ABTB2: variants seen among roughly 807,000 people sequenced by gnomAD.
ABTB2 encodes the protein ankyrin repeat and BTB/POZ domain-containing protein 2.
Under a neutral mutation model 104.1 loss-of-function variants are expected in ABTB2, and 56 were observed. The observed-to-expected ratio is 0.54, with a 90% CI of 0.43 to 0.67. The LOEUF is 0.67. Ranked by LOEUF, ABTB2 falls within the 30% of genes least tolerant of loss-of-function variation. The pLI is 0.00. For synonymous variants in ABTB2, 606 were observed against 608.2 expected (o/e 1.00, Z 0.05); for missense variants, 1,279 against 1,407.7 (o/e 0.91, Z 1.46).
chr11:34,289,053 T>C (rs546412964), intron 1 of ABTB2, among the ~76,000 whole-genome samples: 1 of 152,326 alleles, frequency 6.6e-6, no homozygotes, highest in Non-Finnish European at 1.5e-5. Context: ...GCCTCTGCTC[T>C]TGAAGAAAGT....
At chr11:34,335,282 T>G (rs1886656) in intron 1 of ABTB2, 697,784 of 1,258,150 alleles carry the variant, frequency 0.55, 201,647 homozygotes, top group East Asian at 0.91. Context: ...TTCAAAAAGA[T>G]TGTTGTTTGT....
At chr11:34,196,324 C>A (rs10836160) in intron 3 of ABTB2, among the ~76,000 whole-genome samples, 4 of 152,138 alleles carry the variant, frequency 2.6e-5, no homozygotes, top group African/African-American at 7.2e-5. Flanking sequence ...GAGGCCAAGG[C>A]GCGTGGATCA....
At chr11:34,200,367 T>C (rs556904832) in intron 2 of ABTB2, among the ~76,000 whole-genome samples, 1 of 152,254 alleles carries the variant, frequency 6.6e-6, no homozygotes, top group African/African-American at 2.4e-5. Flanking sequence ...AAGAAAGAAA[T>C]GGAATCTCCC....
intron 1 of ABTB2, among the ~76,000 whole-genome samples, chr11:34,345,885 C>T (rs1166717363): frequency 6.6e-6 from 1 of 152,178 alleles, no homozygotes. Context: ...TATGTTCTGC[C>T]TCTCCAGAAG....
chr11:34,180,668 A>G lies in ABTB2; in HGVS notation c.1245-7361T>C, dbSNP rs538917300. Among the ~76,000 whole-genome samples, 76 of 152,300 alleles carry G rather than the reference A, an allele frequency of 5.0e-4. 3 individuals are homozygous for G. The South Asian group carries it at 0.015, about 31-fold the overall frequency. On this transcript the variant is annotated intron_variant, in intron 3 of 16. Coordinates refer to ENST00000435224, the MANE Select transcript of ABTB2 (RefSeq NM_145804.3). The stretch of plus-strand genomic sequence containing the variant: ...CCTCCTCTCATTGCTAGAGGAGGAA[A>G]AGGAAACCCAGAGAGGCTAAGCGCC...
chr11:34,161,439 G>C (rs1198681547), intron 10 of ABTB2, among the ~76,000 whole-genome samples: 1 of 152,216 alleles, frequency 6.6e-6, no homozygotes, highest in Non-Finnish European at 1.5e-5. Flanking sequence ...AAGTAGCCTT[G>C]TTGCTTAGTG....
chr11:34,243,685 A>T (rs1853949805), intron 1 of ABTB2, among the ~76,000 whole-genome samples: 1 of 152,262 alleles, frequency 6.6e-6, no homozygotes, highest in Non-Finnish European at 1.5e-5. Context: ...AGAGTCAATG[A>T]GATCATTTAC....
chr11:34,270,937 C>T (rs1854307166), intron 1 of ABTB2, among the ~76,000 whole-genome samples: 1 of 152,202 alleles, frequency 6.6e-6, no homozygotes, highest in African/African-American at 2.4e-5. Flanking sequence ...TGACTTTAGG[C>T]AGCTGATACC....
At chr11:34,239,843 G>A (rs1853891231) in intron 1 of ABTB2, among the ~76,000 whole-genome samples, 1 of 152,146 alleles carries the variant, frequency 6.6e-6, no homozygotes. Flanking sequence ...AGGATCCACT[G>A]GAGACCCACT....
chr11:34,237,103 C>G (rs990324721), intron 1 of ABTB2, among the ~76,000 whole-genome samples: 2 of 152,070 alleles, frequency 1.3e-5, no homozygotes, highest in Non-Finnish European at 2.9e-5. Context: ...CCGAACCCCT[C>G]TGTGTGTGTT....
At chr11:34,335,405 G>C (rs1590260789) in intron 1 of ABTB2, 2 of 808,734 alleles carry the variant, frequency 2.5e-6, no homozygotes, top group East Asian at 2.4e-5. Flanking sequence ...ACTTTTCTAA[G>C]AGCACTTCTC....
chr11:34,305,602 C>A (rs796072638), intron 1 of ABTB2, among the ~76,000 whole-genome samples: 43 of 152,336 alleles, frequency 2.8e-4, no homozygotes, highest in African/African-American at 1.0e-3. Flanking sequence ...GGCAAAAGAT[C>A]TGATATCTTA....
chr11:34,286,532 A>T (rs1219778023), intron 1 of ABTB2, among the ~76,000 whole-genome samples: 1 of 151,988 alleles, frequency 6.6e-6, no homozygotes, highest in Non-Finnish European at 1.5e-5. Context: ...ACCTCAAGTG[A>T]TCCACCTGCC....
In ABTB2 at chr11:34,154,565, C is replaced by T; in HGVS notation, c.2766+136G>A. 6.3e-6 allele frequency: 6 copies of T among 951,196 alleles called. No homozygotes were observed. Among genetic ancestry groups the T allele is most frequent in the Non-Finnish European group, 9.7e-6 (6 of 617,224 alleles). 58.9% of individuals were successfully genotyped at this position (951,196 alleles called of 1,614,324 possible). On this transcript the variant is annotated intron_variant, in intron 15 of 16. Coordinates refer to ENST00000435224, the MANE Select transcript of ABTB2 (RefSeq NM_145804.3). The surrounding 1 kb of genome is among the most constrained non-coding windows in gnomAD (Gnocchi z 4.9). ...CACTGAGGCTGGGCTCAGTGGTGTG[C>T]ACAGTTCCTCTTTCTGGGAACTGCT...
In ABTB2 at chr11:34,344,924, AGG is replaced by A. The variant is rs1763831385; in HGVS notation, c.883+11775_883+11776del. On this transcript the variant is annotated intron_variant, in intron 1 of 16. Coordinates refer to ENST00000435224, the MANE Select transcript of ABTB2 (RefSeq NM_145804.3). ...CAGTCAATGGCCACTCCCTCCTTCC[AGG>A]GCTCAGACCATAGCAACTTGGTGTC... 2.0e-5 allele frequency among the ~76,000 whole-genome samples: 3 copies of A among 152,278 alleles called. No individual in the cohort carries two copies. In the South Asian group the frequency reaches 6.2e-4, roughly 32 times the overall value.
chr11:34,225,936 G>A (rs1451505829), intron 1 of ABTB2, among the ~76,000 whole-genome samples: 1 of 151,952 alleles, frequency 6.6e-6, no homozygotes, highest in Non-Finnish European at 1.5e-5. Context: ...AGGTGCGGTG[G>A]CTCACGCCTG....
intron 3 of ABTB2, among the ~76,000 whole-genome samples, chr11:34,177,369 C>T (rs906462808): frequency 1.3e-5 from 2 of 152,224 alleles, no homozygotes; most frequent in Non-Finnish European, 2.9e-5. Flanking sequence ...CTCACTTTAC[C>T]ATCTTGGCTG....
intron 1 of ABTB2, among the ~76,000 whole-genome samples, chr11:34,291,233 T>A (rs908898556): frequency 6.6e-6 from 1 of 152,248 alleles, no homozygotes; most frequent in African/African-American, 2.4e-5. Context: ...TTTTTCTAAT[T>A]GGATCAGAAT....
chr11:34,264,210 C>A (rs893682846), intron 1 of ABTB2, among the ~76,000 whole-genome samples: 1 of 152,198 alleles, frequency 6.6e-6, no homozygotes, highest in Admixed American at 6.5e-5. Flanking sequence ...GTATAGTGAG[C>A]AGTCTCGAGG....
Sources: allele counts gnomAD v4.1 joint callset (sites outside exome capture counted in the v4.1 genomes callset), GRCh38; gene constraint gnomAD v4.1.1; non-coding constraint Gnocchi (gnomAD v3.1); transcripts MANE v1.5; gene names NCBI Gene and HGNC (gene_info 2026-07-23, HGNC 2026-07-21).